The following PLEKHG7 variants were observed in gnomAD, a reference collection of about 807,000 sequenced individuals.
The protein encoded by PLEKHG7 is pleckstrin homology and RhoGEF domain containing G7, also known as pleckstrin homology domain-containing family G member 7.
In PLEKHG7, 77 loss-of-function variants were observed where a neutral mutation model predicts 85.2. The ratio of observed to expected loss-of-function variants is 0.90; its 90% confidence interval spans 0.75 to 1.09. PLEKHG7 has a LOEUF of 1.09. Ranked by LOEUF, PLEKHG7 falls within the 50% of genes least tolerant of loss-of-function variation. PLEKHG7 has a pLI of 0.00. For synonymous variants in PLEKHG7, 301 were observed against 302.4 expected (o/e 1.00, Z 0.05); for missense variants, 777 against 804.3 (o/e 0.97, Z 0.41).
At chr12:92,712,589 C>T (rs1031247134) in intron 3 of PLEKHG7, among the ~76,000 whole-genome samples, 13 of 152,208 alleles carry the variant, frequency 8.5e-5, no homozygotes, top group African/African-American at 3.1e-4. Context: ...CTGCGTCTTT[C>T]GAGTCCTTGA....
rs1871230002 is a variant in PLEKHG7, at chr12:92,706,481, C to T, written c.-151C>T. The T allele has an allele frequency of 1.1e-6, 1 of 948,000 alleles. No homozygotes were observed. Among genetic ancestry groups the T allele is most frequent in the East Asian group, 2.6e-5 (1 of 38,716 alleles). 58.7% of individuals were successfully genotyped at this position (948,000 alleles called of 1,614,324 possible). A position where few individuals can be genotyped will look rare whatever the true frequency, so the allele number is the denominator to read the frequency against. ...TCTTCCTCACTACAGATGCAATAACCTGCTTGACATTCTCCTCTGGAAAAG... is the reference window on the plus strand; with the variant it reads ...TCTTCCTCACTACAGATGCAATAACTTGCTTGACATTCTCCTCTGGAAAAG... On this transcript the variant is annotated 5_prime_UTR_variant, in exon 2 of 17. Coordinates refer to ENST00000344636, the MANE Select transcript of PLEKHG7 (RefSeq NM_001377329.1).
rs2136567006 is a variant in PLEKHG7 at position 92,706,766 on chromosome 12, C to A, written c.135C>A (p.Ile45=). The A allele has an allele frequency of 1.2e-6, 2 of 1,614,088 alleles. No homozygotes were observed. Among genetic ancestry groups the A allele is most frequent in the East Asian group, 2.2e-5 (1 of 44,884 alleles). Reference sequence around the variant, plus strand: ...TTGACCGGCAAGCCCCAGGCCGCATCTCCACCTCGCCCACTTTGAGGAGAT... The same window carrying A: ...TTGACCGGCAAGCCCCAGGCCGCATATCCACCTCGCCCACTTTGAGGAGAT... ...LQFDRQAPGR[I]STSPTLRRLR... The change falls in exon 2 of 17, where the codon ATC becomes ATA. Residue 45 remains isoleucine (I), a synonymous_variant. Coordinates refer to ENST00000344636, the MANE Select transcript of PLEKHG7 (RefSeq NM_001377329.1).
chr12:92,765,179 C>T (rs1327140802), intron 15 of PLEKHG7, among the ~76,000 whole-genome samples: 1 of 152,098 alleles, frequency 6.6e-6, no homozygotes, highest in East Asian at 1.9e-4. Context: ...AGTTATGCTA[C>T]ATAACTAAGT....
chr12:92,729,634 A>G (rs1426708549), intron 4 of PLEKHG7, among the ~76,000 whole-genome samples: 4 of 152,088 alleles, frequency 2.6e-5, no homozygotes, highest in African/African-American at 9.7e-5. Flanking sequence ...TTGTGAAATA[A>G]AAGAACAATT....
intron 13 of PLEKHG7, among the ~76,000 whole-genome samples, chr12:92,757,210 T>C (rs1287809880): frequency 6.6e-6 from 1 of 152,190 alleles, no homozygotes; most frequent in African/African-American, 2.4e-5. Context: ...CCTTACTTTA[T>C]TGTGAGGATT....
chr12:92,758,595 TAAGA>T (rs1366442891), intron 13 of PLEKHG7, among the ~76,000 whole-genome samples: 13 of 152,350 alleles, frequency 8.5e-5, no homozygotes, highest in African/African-American at 3.1e-4. Context: ...GAAGCTCACC[TAAGA>T]AAGACTCTTT....
intron 3 of PLEKHG7, among the ~76,000 whole-genome samples, chr12:92,726,920 A>G (rs1871832917): frequency 1.3e-5 from 2 of 152,192 alleles, no homozygotes; most frequent in Non-Finnish European, 2.9e-5. Context: ...GATCACCCCC[A>G]TGGATCCTGC....
intron 3 of PLEKHG7, among the ~76,000 whole-genome samples, chr12:92,727,367 T>C (rs1378145219): frequency 6.6e-6 from 1 of 152,156 alleles, no homozygotes; most frequent in Non-Finnish European, 1.5e-5. Context: ...ACCCAAATAT[T>C]GAATGTTGTA....
intron 13 of PLEKHG7, 129 bp from the exon 14 acceptor site, chr12:92,761,612 AAAGAAAGAAAG>A (rs1249303091): frequency 1.1e-5 from 11 of 1,043,200 alleles, no homozygotes; most frequent in African/African-American, 1.9e-5. Flanking sequence ...AAAGAAAAAG[AAAGAAAGAAAG>A]AAGAAAGAAA....
At chr12:92,703,281 A>G (rs1259674030) in intron 1 of PLEKHG7, 149 bp downstream of exon 1, 2 of 152,278 alleles carry the variant, frequency 1.3e-5, no homozygotes, top group African/African-American at 4.8e-5. Context: ...CATTTCTAGT[A>G]CAGTGAGATG....
At chr12:92,748,336 TC>T (rs1177403015) in intron 10 of PLEKHG7, among the ~76,000 whole-genome samples, 8 of 151,290 alleles carry the variant, frequency 5.3e-5, no homozygotes, top group Admixed American at 4.6e-4. Flanking sequence ...AACCTCCGTC[TC>T]CCAGGTTCAA....
At position 92,754,165 on chromosome 12, in the gene PLEKHG7, C is replaced by A. The variant is rs958183873; in HGVS notation, c.1327C>A (p.Arg443=). The change falls in exon 11 of 17, where the codon CGA becomes AGA. Residue 443 remains arginine (R), a synonymous_variant. Transcript: ENST00000344636. ...LLVAPLQRLT[R]YPLLLKNIWK... is the part of the protein sequence containing the mutation. ...AGTGGCCCCACTACAGAGGCTCACTCGATATCCGTTGTTGCTGAAGAATAT... is the reference window on the plus strand; with the variant it reads ...AGTGGCCCCACTACAGAGGCTCACTAGATATCCGTTGTTGCTGAAGAATAT... The A allele has an allele frequency of 1.2e-6, 2 of 1,613,932 alleles. No homozygotes were observed. The highest frequency in any genetic ancestry group is 1.7e-5 in the Admixed American group (1 of 60,022).
intron 4 of PLEKHG7, among the ~76,000 whole-genome samples, chr12:92,729,501 T>C (rs1193916601): frequency 1.7e-4 from 26 of 151,252 alleles, no homozygotes; most frequent in Admixed American, 1.7e-3. Context: ...ACTCCTGGGC[T>C]TCAGCCTCAC....
rs137893565 is a variant in PLEKHG7, at chr12:92,711,342, C to T, written c.530+3670C>T. On this transcript the variant is annotated intron_variant, in intron 3 of 16. Coordinates refer to ENST00000344636, the MANE Select transcript of PLEKHG7 (RefSeq NM_001377329.1). ...CTCCCCATGAGGCCATTGGTGCAGACTGGGGGAGAGAAGGCAGGGTGGCAG... is the reference window on the plus strand; with the variant it reads ...CTCCCCATGAGGCCATTGGTGCAGATTGGGGGAGAGAAGGCAGGGTGGCAG... 4.0e-3 allele frequency among the ~76,000 whole-genome samples: 603 copies of T among 152,302 alleles called. 2 individuals carry two copies. Among genetic ancestry groups the T allele is most frequent in the African/African-American group, 0.014 (584 of 41,564 alleles).
At chr12:92,735,660 A>G (rs1041310741) in intron 5 of PLEKHG7, among the ~76,000 whole-genome samples, 29 of 152,354 alleles carry the variant, frequency 1.9e-4, no homozygotes, top group Admixed American at 6.5e-4. Flanking sequence ...TAAGTGGGCA[A>G]TTCATGATGT....
intron 3 of PLEKHG7, among the ~76,000 whole-genome samples, chr12:92,714,109 T>C (rs1198503352): frequency 6.6e-6 from 1 of 152,250 alleles, no homozygotes; most frequent in Non-Finnish European, 1.5e-5. Context: ...GCCGGGACTT[T>C]AGTCCAGTTA....
chr12:92,713,864 T>A (rs1293776450), intron 3 of PLEKHG7, among the ~76,000 whole-genome samples: 1 of 152,168 alleles, frequency 6.6e-6, no homozygotes. Flanking sequence ...GGACCCTTTT[T>A]TAACTCCCCA....
chr12:92,765,324 TTAA>T (rs1282316902), intron 15 of PLEKHG7, among the ~76,000 whole-genome samples: 1 of 56,220 alleles, frequency 1.8e-5, no homozygotes, highest in Non-Finnish European at 3.3e-5. Flanking sequence ...CAGTCTCTTA[TTAA>T]AAAAAAAAAA....
At position 92,718,262 on chromosome 12, in the gene PLEKHG7, C is replaced by G. The variant is rs548796757; in HGVS notation, c.530+10590C>G. Among the ~76,000 whole-genome samples, 3 of 152,308 alleles carry G rather than the reference C, an allele frequency of 2.0e-5. No homozygotes were observed. In the South Asian group the frequency reaches 6.2e-4, roughly 32 times the overall value. ...AGAGAAGACTGCAGCCTTGGGGAGC[C>G]TTCCTGATATGGGCATGGTGCAAGG... On this transcript the variant is annotated intron_variant, in intron 3 of 16. Transcript: ENST00000344636.
Sources: gnomAD v4.1 joint callset for allele counts (sites outside exome capture counted in the v4.1 genomes callset) on GRCh38, gnomAD v4.1.1 for gene constraint, MANE v1.5 for transcripts, NCBI Gene and HGNC (gene_info 2026-07-23, HGNC 2026-07-21) for gene names.